Variants in DNTTIP2 observed in about 807,000 individuals in gnomAD.
The protein encoded by DNTTIP2 is deoxynucleotidyltransferase terminal interacting protein 2.
Under a neutral mutation model 62.4 loss-of-function variants are expected in DNTTIP2, and 47 were observed. That is an observed-to-expected ratio of 0.75 (90% CI 0.60 to 0.96). The LOEUF (loss-of-function observed/expected upper bound fraction) is 0.96. Among genes scored for constraint, DNTTIP2 ranks in the 40% least tolerant of loss-of-function variants. The pLI, the probability that DNTTIP2 is intolerant of heterozygous loss-of-function variation, is 0.00. For synonymous variants in DNTTIP2, 322 were observed against 300.9 expected, an observed-to-expected ratio of 1.07 and a Z score of -0.73; for missense variants, 870 against 849.1, an observed-to-expected ratio of 1.02 and a Z score of -0.31.
At position 93,876,312 on chromosome 1, in the gene DNTTIP2, C is replaced by G. The variant is rs747124795; in HGVS notation, c.1623G>C (p.Glu541Asp). ...TTAGGAAGTCTTCTTCATCACTAAACTCATCTTCATTTTCGTCATGGTCTG... is the reference window on the plus strand; with the variant it reads ...TTAGGAAGTCTTCTTCATCACTAAAGTCATCTTCATTTTCGTCATGGTCTG... ...DSSDHDENED[E>D]FSDEEDFLNS... The change falls in exon 2 of 7, where the codon GAG (glutamate) becomes GAC (aspartate). Residue 541 changes from glutamate (E) to aspartate (D), a missense_variant. Physicochemically the swap from Glu to Asp is conservative, Grantham distance 45. Coordinates refer to ENST00000436063, the MANE Select transcript of DNTTIP2 (RefSeq NM_014597.5). The G allele has an allele frequency of 6.4e-7, 1 of 1,550,924 alleles. No homozygotes were observed. Among genetic ancestry groups the G allele is most frequent in the Non-Finnish European group, 8.7e-7 (1 of 1,146,940 alleles).
Position 93,877,837 on chromosome 1 carries a change from G to A in DNTTIP2, c.98C>T (p.Ala33Val), listed in dbSNP as rs549125780. 10 of 1,601,652 alleles carry A rather than the reference G, an allele frequency of 6.2e-6. No homozygotes were observed. Among genetic ancestry groups the A allele is most frequent in the South Asian group, 1.1e-5 (1 of 91,026 alleles). The change falls in exon 2 of 7, where the codon GCG becomes GTG. Residue 33 changes from alanine to valine, a missense_variant. By Grantham distance (64) the Ala-to-Val change is moderately conservative (BLOSUM62 0). Transcript: ENST00000436063. Reference sequence around the variant, plus strand: ...AGATCCAGTACTACTTTCTGGATGCGCTTGAATCCCATTAGCAGCAAAACT... The same window carrying A: ...AGATCCAGTACTACTTTCTGGATGCACTTGAATCCCATTAGCAGCAAAACT... ...QKSFAANGIQ[A>V]HPESSTGSDA...
Position 93,868,228 on chromosome 1 carries a change from C to T in DNTTIP2, c.*1623G>A, listed in dbSNP as rs1655768808. On this transcript the variant is annotated 3_prime_UTR_variant, in exon 7 of 7. Coordinates refer to ENST00000436063, the MANE Select transcript of DNTTIP2 (RefSeq NM_014597.5). ...TTCTCAAAAGAAGACATTTATGCAG[C>T]CAACAAACATGAAAAAACGCTCATT... 6.6e-6 allele frequency: 1 copy of T among 152,116 alleles called. No homozygotes were observed. The highest frequency in any genetic ancestry group is 6.6e-5 in the Admixed American group (1 of 15,266). 9.4% of individuals were successfully genotyped at this position (152,116 alleles called of 1,614,324 possible). A position where few individuals can be genotyped will look rare whatever the true frequency, so the allele number is the denominator to read the frequency against.
rs767724218 is a variant in DNTTIP2 at position 93,872,207 on chromosome 1, G to T, written c.1932C>A (p.Gly644=). 8.1e-6 allele frequency: 13 copies of T among 1,613,476 alleles called. No homozygotes were observed. The South Asian group carries it at 1.4e-4, about 18-fold the overall frequency. The part of the protein sequence containing the change: ...RKERQKTAGD[G]WFGMKAPEMT... ...TTTCTGGAGCTTTCATACCAAACCA[G>T]CCATCCCCTGCTGTTTTTTGTCGTT... is the stretch of plus-strand genomic sequence containing the variant. Residue 644 remains glycine (G), a synonymous_variant, in exon 5 of 7, where the codon GGC becomes GGA. Transcript: ENST00000436063.
chr1:93,872,507 G>T (rs1430331401), intron 4 of DNTTIP2, among the ~76,000 whole-genome samples: 1 of 152,268 alleles, frequency 6.6e-6, no homozygotes, highest in Non-Finnish European at 1.5e-5. Context: ...CTGACTTGCT[G>T]GGAGAATAAC....
chr1:93,877,855 G>C lies in DNTTIP2; in HGVS notation c.80C>G (p.Ala27Gly). The C allele has an allele frequency of 6.3e-7, 1 of 1,598,552 alleles. No homozygotes were observed. Residue 27 changes from alanine (A) to glycine (G), a missense_variant, in exon 2 of 7, where the codon GCT (alanine) becomes GGT (glycine). Transcript: ENST00000436063. ...TGGATGCGCTTGAATCCCATTAGCA[G>C]CAAAACTCTGCAAACCAGAGAAAAC... is the stretch of plus-strand genomic sequence containing the variant. ...SAESSGQKSF[A>G]ANGIQAHPES... is the part of the protein sequence containing the mutation.
At chr1:93,873,560 CCACT>C (rs1557718085) in intron 3 of DNTTIP2, among the ~76,000 whole-genome samples, 1 of 150,732 alleles carries the variant, frequency 6.6e-6, no homozygotes, top group African/African-American at 2.4e-5. Flanking sequence ...TATGACTGTG[CCACT>C]CACTCCAGCC....
Position 93,870,779 on chromosome 1 carries a change from A to G in DNTTIP2, c.2081T>C (p.Val694Ala). The G allele has an allele frequency of 6.4e-7, 1 of 1,554,340 alleles. No homozygotes were observed. The highest frequency in any genetic ancestry group is 2.3e-5 in the East Asian group (1 of 43,132). The change falls in exon 6 of 7, where the codon GTT becomes GCT. Residue 694 changes from valine to alanine, a missense_variant. By Grantham distance (64) the Val-to-Ala change is moderately conservative. Transcript: ENST00000436063. ...ATGGTAGAAATCAGCTGGATTGTCAACAATGGTTCCAATCTGTGAACAATT... is the reference window on the plus strand; with the variant it reads ...ATGGTAGAAATCAGCTGGATTGTCAGCAATGGTTCCAATCTGTGAACAATT... ...FPKYFQIGTI[V>A]DNPADFYHSR...
In DNTTIP2 at chr1:93,879,180, C is replaced by T. The variant is rs1226249824; in HGVS notation, c.-32G>A. 1 of 1,607,864 alleles carries T rather than the reference C, an allele frequency of 6.2e-7. No homozygotes were observed. Among genetic ancestry groups the T allele is most frequent in the Non-Finnish European group, 8.5e-7 (1 of 1,178,258 alleles). On this transcript the variant is annotated 5_prime_UTR_variant, in exon 1 of 7. Coordinates refer to ENST00000436063, the MANE Select transcript of DNTTIP2 (RefSeq NM_014597.5). The stretch of plus-strand genomic sequence containing the variant: ...GGCTCCCTCGCGACCACCACGACTT[C>T]CCTCTTCCCTGGCGCTCCGGAAATG...
rs1404243237 is a variant in DNTTIP2 at position 93,867,093 on chromosome 1, G to C, written c.*2758C>G. Reference sequence around the variant, plus strand: ...GGAGGCGGAGGTTGCAGTGAACCAAGATCATGCCACTACACTCCAGCCTGG... The same window carrying C: ...GGAGGCGGAGGTTGCAGTGAACCAACATCATGCCACTACACTCCAGCCTGG... On this transcript the variant is annotated 3_prime_UTR_variant, in exon 7 of 7. Transcript: ENST00000436063. The C allele has an allele frequency of 7.4e-6, 1 of 134,370 alleles. No individual in the cohort carries two copies. The highest frequency in any genetic ancestry group is 8.6e-5 in the Admixed American group (1 of 11,628). 8.3% of individuals were successfully genotyped at this position (134,370 alleles called of 1,614,324 possible).
intron 3 of DNTTIP2, 41 bp from the exon 4 acceptor site, chr1:93,873,255 G>T (rs369151900): frequency 3.9e-5 from 57 of 1,452,038 alleles, no homozygotes; most frequent in Non-Finnish European, 5.3e-5. Context: ...ATGTCAGAAT[G>T]TTATATAAGT....
chr1:93,868,333 A>G lies in DNTTIP2; in HGVS notation c.*1518T>C, dbSNP rs1325743918. 1 of 152,226 alleles carries G rather than the reference A, an allele frequency of 6.6e-6. No homozygotes were observed. Among genetic ancestry groups the G allele is most frequent in the Non-Finnish European group, 1.5e-5 (1 of 68,046 alleles). The allele number at this position is 152,226 out of a possible 1,614,324, so 9.4% of individuals were successfully genotyped here. The stretch of plus-strand genomic sequence containing the variant: ...TGCCAGTTAGAATGGCAATCATTAA[A>G]AAGTCAGGAAACAACAGATGCTGGA... On this transcript the variant is annotated 3_prime_UTR_variant, in exon 7 of 7. Transcript: ENST00000436063.
rs1409583703 is a variant in DNTTIP2, at chr1:93,876,931, A to G, written c.1004T>C (p.Val335Ala). The change falls in exon 2 of 7, where the codon GTT becomes GCT. Residue 335 changes from valine to alanine, a missense_variant. By Grantham distance (64) the Val-to-Ala change is moderately conservative. Transcript: ENST00000436063. The part of the protein sequence containing the change: ...ELQDTSLQQL[V>A]SQRHSTPQNK... ...TTGGGGGGTTGAATGTCTCTGAGAA[A>G]CTAACTGTTGAAGGCTAGTGTCCTG... 1 of 1,613,604 alleles carries G rather than the reference A, an allele frequency of 6.2e-7. No homozygotes were observed. The highest frequency in any genetic ancestry group is 8.5e-7 in the Non-Finnish European group (1 of 1,179,840).
rs1483221182 is a variant in DNTTIP2, at chr1:93,877,051, TTC to T, written c.882_883del (p.Asn295LeufsTer2). 9 of 1,612,350 alleles carry T rather than the reference TTC, an allele frequency of 5.6e-6. No homozygotes were observed. Among genetic ancestry groups the T allele is most frequent in the South Asian group, 4.4e-5 (4 of 91,080 alleles). On this transcript the variant is annotated frameshift_variant, in exon 2 of 7. Transcript: ENST00000436063. LOFTEE classifies it high-confidence loss of function. ...GGCATCTTCATCCAAATCCTTACAA[TTC>T]TGTTTTGTTTCTTTAAGAGATTCAA... is the stretch of plus-strand genomic sequence containing the variant.
In DNTTIP2 at chr1:93,877,805, G is replaced by C. The variant is rs371763141; in HGVS notation, c.130C>G (p.Arg44Gly). The change falls in exon 2 of 7, where the codon CGA becomes GGA. Residue 44 changes from arginine (R) to glycine (G), a missense_variant. Transcript: ENST00000436063. The stretch of plus-strand genomic sequence containing the variant: ...GTGGTCTGTGATTCAGCAGTAGTTC[G>C]GGCATCAGATCCAGTACTACTTTCT... Reference protein sequence around the residue: ...HPESSTGSDARTTAESQTTGK... With the variant: ...HPESSTGSDAGTTAESQTTGK... 7.5e-6 allele frequency: 12 copies of C among 1,607,008 alleles called. No individual in the cohort carries two copies. The highest frequency in any genetic ancestry group is 1.3e-5 in the African/African-American group (1 of 74,834).
At chr1:93,875,181 A>T (rs1269277652) in intron 3 of DNTTIP2, among the ~76,000 whole-genome samples, 1 of 152,198 alleles carries the variant, frequency 6.6e-6, no homozygotes, top group Non-Finnish European at 1.5e-5. Context: ...TTTAGGAGAA[A>T]ACAGTGCAAG....
Position 93,870,010 on chromosome 1 carries a change from G to C in DNTTIP2, c.2178-66C>G, listed in dbSNP as rs1029089418. 194 of 714,140 alleles carry C rather than the reference G, an allele frequency of 2.7e-4. 2 individuals carry two copies. The highest frequency in any genetic ancestry group is 2.3e-3 in the Admixed American group (108 of 47,992). 44.2% of individuals were successfully genotyped at this position (714,140 alleles called of 1,614,324 possible). A position where few individuals can be genotyped will look rare whatever the true frequency, so the allele number is the denominator to read the frequency against. On this transcript the variant is annotated intron_variant, in intron 6 of 6. Coordinates refer to ENST00000436063, the MANE Select transcript of DNTTIP2 (RefSeq NM_014597.5). ...ACATTAGAAGTTAATATAACCTTAGGGTAAAAGTTGGGAATGGAGTGGTGG... is the reference window on the plus strand; with the variant it reads ...ACATTAGAAGTTAATATAACCTTAGCGTAAAAGTTGGGAATGGAGTGGTGG...
intron 2 of DNTTIP2, 46 bp from the exon 3 acceptor site, chr1:93,875,829 T>A: frequency 6.4e-7 from 1 of 1,563,026 alleles, no homozygotes; most frequent in Non-Finnish European, 8.6e-7. Flanking sequence ...TAAATCAAAA[T>A]GGAAACATAT....
At position 93,879,063 on chromosome 1, in the gene DNTTIP2, A is replaced by G. The variant is rs1656089778; in HGVS notation, c.72+14T>C. 6.2e-7 allele frequency: 1 copy of G among 1,613,262 alleles called. No homozygotes were observed. Among genetic ancestry groups the G allele is most frequent in the African/African-American group, 1.3e-5 (1 of 74,920 alleles). On this transcript the variant is annotated intron_variant, in intron 1 of 6. Transcript: ENST00000436063. ...TGCGAAGCGGCGAGAAGTAGGGAAG[A>G]CTGGATTTCCTACCTTTTGCCCGGA...
In DNTTIP2 at chr1:93,866,623, C is replaced by CT. The variant is rs1384832863; in HGVS notation, c.*3227dup. On this transcript the variant is annotated 3_prime_UTR_variant, in exon 7 of 7. Coordinates refer to ENST00000436063, the MANE Select transcript of DNTTIP2 (RefSeq NM_014597.5). Reference sequence around the variant, plus strand: ...TACCAGTTACTAAGGTTTTGTTGAACTTTTTTATATAGCCTCCCCACTCCC... The same window carrying CT: ...TACCAGTTACTAAGGTTTTGTTGAACTTTTTTTATATAGCCTCCCCACTCCC... 2.0e-4 allele frequency: 31 copies of CT among 152,090 alleles called. No individual in the cohort carries two copies. The highest frequency in any genetic ancestry group is 7.2e-4 in the African/African-American group (30 of 41,478). The allele number at this position is 152,090 out of a possible 1,614,324, so 9.4% of individuals were successfully genotyped here. A position where few individuals can be genotyped will look rare whatever the true frequency, so the allele number is the denominator to read the frequency against.
Sources: gnomAD v4.1 joint callset for allele counts (sites outside exome capture counted in the v4.1 genomes callset) on GRCh38, gnomAD v4.1.1 for gene constraint, MANE v1.5 for transcripts, NCBI Gene and HGNC (gene_info 2026-07-23, HGNC 2026-07-21) for gene names.